Variants in TSHZ2 observed in about 807,000 individuals in gnomAD.
TSHZ2 encodes the protein teashirt homolog 2.
A neutral mutation model predicts 74.4 loss-of-function variants in TSHZ2; 21 were observed. The observed-to-expected ratio is 0.28, with a 90% CI of 0.20 to 0.41. The LOEUF is 0.41. TSHZ2 is among the 10% of genes least tolerant of loss of function. The pLI is 1.00. For synonymous variants in TSHZ2, 540 were observed against 515.3 expected (o/e 1.05, Z -0.65); for missense variants, 1,244 against 1,293.5 (o/e 0.96, Z 0.59).
intron 1 of TSHZ2, among the ~76,000 whole-genome samples, chr20:52,991,824 T>G (rs1982009408): frequency 1.3e-5 from 2 of 151,578 alleles, no homozygotes; most frequent in South Asian, 4.2e-4. Context: ...TGTGAAAAGC[T>G]TTTCTGGTGC....
intron 1 of TSHZ2, among the ~76,000 whole-genome samples, chr20:52,996,307 T>TTTTATTTATTTATTTA (rs56169663): frequency 4.8e-5 from 7 of 145,250 alleles, no homozygotes; most frequent in East Asian, 2.1e-4. Flanking sequence ...CCTTTCAGGT[T>TTTTATTTATTTATTTA]TTTATTTATT....
At position 53,254,876 on chromosome 20, in the gene TSHZ2, G is replaced by C; in HGVS notation, c.1418G>C (p.Ser473Thr). The part of the protein sequence containing the change: ...ESKKERPEET[S>T]KDEKVVKSED... ...AAAAAAGAAAGGCCAGAGGAAACCA[G>C]CAAGGATGAGAAAGTCGTGAAAAGC... Residue 473 changes from serine to threonine, a missense_variant, in exon 2 of 3, where the codon AGC becomes ACC. By Grantham distance (58) the Ser-to-Thr change is moderately conservative. Transcript: ENST00000371497. 2 of 1,614,160 alleles carry C rather than the reference G, an allele frequency of 1.2e-6. No individual in the cohort carries two copies. Among genetic ancestry groups the C allele is most frequent in the Non-Finnish European group, 1.7e-6 (2 of 1,180,026 alleles).
chr20:53,277,865 G>A (rs1990977488), intron 2 of TSHZ2, among the ~76,000 whole-genome samples: 1 of 152,192 alleles, frequency 6.6e-6, no homozygotes, highest in Non-Finnish European at 1.5e-5. Context: ...GCTGAGATTG[G>A]TCCACCCAGA....
intron 1 of TSHZ2, among the ~76,000 whole-genome samples, chr20:53,219,486 A>G (rs997304581): frequency 6.6e-6 from 1 of 152,212 alleles, no homozygotes; most frequent in Non-Finnish European, 1.5e-5. Context: ...TGATTGAGAT[A>G]ATTATTGTTA....
At chr20:53,398,679 G>C (rs1253485704) in intron 2 of TSHZ2, 2 of 152,242 alleles carry the variant, frequency 1.3e-5, no homozygotes, top group Non-Finnish European at 2.9e-5. Flanking sequence ...CTTGAGCCTG[G>C]AAAGTCAAGG....
chr20:53,385,925 C>T (rs977854057), intron 2 of TSHZ2, among the ~76,000 whole-genome samples: 1 of 152,178 alleles, frequency 6.6e-6, no homozygotes, highest in Non-Finnish European at 1.5e-5. Context: ...CAGATCACTC[C>T]GGACACAAAG....
rs574613778 is a variant in TSHZ2 at position 53,058,507 on chromosome 20, T to C, written c.40+85174T>C. The stretch of plus-strand genomic sequence containing the variant: ...ACAGCAACAGCAGGGCATTAAACCA[T>C]GTATGGGCCCTTCTGAGCATGGGGC... On this transcript the variant is annotated intron_variant, in intron 1 of 2. Coordinates refer to ENST00000371497, the MANE Select transcript of TSHZ2 (RefSeq NM_173485.6). 3.9e-5 allele frequency among the ~76,000 whole-genome samples: 6 copies of C among 152,242 alleles called. No homozygotes were observed. In the East Asian group the frequency reaches 1.2e-3, roughly 29 times the overall value.
chr20:53,059,989 T>C (rs2123162862), intron 1 of TSHZ2, among the ~76,000 whole-genome samples: 1 of 152,314 alleles, frequency 6.6e-6, no homozygotes, highest in East Asian at 1.9e-4. Context: ...GGGTTTGTAT[T>C]GTGCAGGGTG....
At position 53,409,834 on chromosome 20, in the gene TSHZ2, C is replaced by CTTTTTTTTTTTTTTT. The variant is rs71194475; in HGVS notation, c.*9-77294_*9-77280dup. On this transcript the variant is annotated intron_variant, in intron 2 of 2. Coordinates refer to ENST00000371497, the MANE Select transcript of TSHZ2 (RefSeq NM_173485.6). The stretch of plus-strand genomic sequence containing the variant: ...AGAATTCACATCTTTGTTTTCTTTT[C>CTTTTTTTTTTTTTTT]TTTTTTTTTTTTTTTTTTTTTTTTT... 5.1e-4 allele frequency among the ~76,000 whole-genome samples: 25 copies of CTTTTTTTTTTTTTTT among 49,354 alleles called. 1 individual carries two copies. The highest frequency in any genetic ancestry group is 1.2e-3 in the African/African-American group (14 of 11,660). The allele number at this position is 49,354 out of a possible 152,430, so 32.4% of individuals were successfully genotyped here.
intron 2 of TSHZ2, among the ~76,000 whole-genome samples, chr20:53,395,825 C>T (rs1244688360): frequency 6.6e-6 from 1 of 152,176 alleles, no homozygotes; most frequent in Non-Finnish European, 1.5e-5. Context: ...ACTGGTCAAC[C>T]TATGGAATGT....
At chr20:53,252,965 G>T (rs1173537840) in intron 1 of TSHZ2, among the ~76,000 whole-genome samples, 1 of 152,094 alleles carries the variant, frequency 6.6e-6, no homozygotes, top group Non-Finnish European at 1.5e-5. Context: ...AAAGACAGGG[G>T]CTATCAAAAA....
intron 1 of TSHZ2, among the ~76,000 whole-genome samples, chr20:53,098,402 G>A (rs1013909927): frequency 6.6e-6 from 1 of 152,138 alleles, no homozygotes; most frequent in Non-Finnish European, 1.5e-5. Flanking sequence ...ACAGATGTAC[G>A]AGATTCACAG....
At position 53,446,310 on chromosome 20, in the gene TSHZ2, T is replaced by C. The variant is rs1029555083; in HGVS notation, c.*9-40834T>C. Among the ~76,000 whole-genome samples the C allele has an allele frequency of 2.0e-5, 3 of 150,400 alleles. No individual in the cohort carries two copies. In the East Asian group the frequency reaches 5.9e-4, roughly 29 times the overall value. ...CAGGCGCGGTGACTTACGCCTGTAA[T>C]CCCAGCACTTTGGGAGGCCGAGGCG... On this transcript the variant is annotated intron_variant, in intron 2 of 2. Coordinates refer to ENST00000371497, the MANE Select transcript of TSHZ2 (RefSeq NM_173485.6).
chr20:53,083,989 T>TA (rs1401355039), intron 1 of TSHZ2, among the ~76,000 whole-genome samples: 2 of 152,040 alleles, frequency 1.3e-5, no homozygotes, highest in African/African-American at 2.4e-5. Flanking sequence ...TTCTCTGATT[T>TA]AAAAAAACTA....
chr20:53,431,090 A>G (rs1983832053), intron 2 of TSHZ2, among the ~76,000 whole-genome samples: 1 of 152,176 alleles, frequency 6.6e-6, no homozygotes, highest in Non-Finnish European at 1.5e-5. Flanking sequence ...GATAACTGAA[A>G]TCCAGAACAT....
intron 2 of TSHZ2, among the ~76,000 whole-genome samples, chr20:53,296,150 A>T (rs1991375884): frequency 6.6e-6 from 1 of 151,398 alleles, no homozygotes; most frequent in Admixed American, 6.6e-5. Flanking sequence ...ATTTTTTTTA[A>T]TGGTGTGCTT....
chr20:53,025,060 A>C (rs554438260), intron 1 of TSHZ2, among the ~76,000 whole-genome samples: 6 of 152,214 alleles, frequency 3.9e-5, no homozygotes, highest in Middle Eastern at 3.4e-3. Context: ...ACTAGCAAAA[A>C]ATGTGCTTCA....
chr20:53,170,675 C>T (rs1035648478), intron 1 of TSHZ2, among the ~76,000 whole-genome samples: 7 of 152,160 alleles, frequency 4.6e-5, no homozygotes, highest in Admixed American at 2.6e-4. Context: ...CAGTTGTGAA[C>T]GCTGAAATGT....
chr20:53,361,540 A>G (rs1206039523), intron 2 of TSHZ2, among the ~76,000 whole-genome samples: 1 of 152,240 alleles, frequency 6.6e-6, no homozygotes, highest in Non-Finnish European at 1.5e-5. Context: ...ATTGATCTCA[A>G]TTAATGGCAT....
Sources: allele counts gnomAD v4.1 joint callset (sites outside exome capture counted in the v4.1 genomes callset), GRCh38; gene constraint gnomAD v4.1.1; transcripts MANE v1.5; gene names NCBI Gene and HGNC (gene_info 2026-07-23, HGNC 2026-07-21).